Variants in CNTNAP2 observed in about 807,000 individuals in gnomAD.
CNTNAP2 encodes contactin associated protein 2.
In CNTNAP2, 98 loss-of-function variants were observed where a neutral mutation model predicts 155.2. The observed-to-expected ratio is 0.63, with a 90% CI of 0.54 to 0.75. The LOEUF (loss-of-function observed/expected upper bound fraction) is 0.75, where lower values mean the gene tolerates loss of function less well. Ranked by LOEUF, CNTNAP2 falls within the 30% of genes least tolerant of loss-of-function variation. CNTNAP2 has a pLI of 0.00. For synonymous variants in CNTNAP2, 651 were observed against 631.2 expected (o/e 1.03, Z -0.47); for missense variants, 1,727 against 1,688.1 (o/e 1.02, Z -0.40).
chr7:147,034,795 G>T (rs1461535305), intron 3 of CNTNAP2, among the ~76,000 whole-genome samples: 2 of 152,138 alleles, frequency 1.3e-5, no homozygotes. Context: ...AATCCGGTGT[G>T]CTTTTCCACT....
At chr7:147,775,172 A>C (rs1225022263) in intron 13 of CNTNAP2, among the ~76,000 whole-genome samples, 1 of 143,812 alleles carries the variant, frequency 7.0e-6, no homozygotes, top group Non-Finnish European at 1.5e-5. Context: ...TACAGTTTTC[A>C]CTACAGTTTT....
rs1795854364 is a variant in CNTNAP2 at position 148,226,602 on chromosome 7, A to G, written c.3248-3044A>G. Among the ~76,000 whole-genome samples the G allele has an allele frequency of 2.7e-5, 4 of 150,356 alleles. No homozygotes were observed. The South Asian group carries it at 8.5e-4, about 32-fold the overall frequency. On this transcript the variant is annotated intron_variant, in intron 19 of 23. Transcript: ENST00000361727. ...CAAAATGATGGAGTTTAACGGGTATATGACCTTCCTCTAGGAACACTCAAC... is the reference window on the plus strand; with the variant it reads ...CAAAATGATGGAGTTTAACGGGTATGTGACCTTCCTCTAGGAACACTCAAC...
intron 1 of CNTNAP2, among the ~76,000 whole-genome samples, chr7:146,333,942 C>A (rs556701067): frequency 2.6e-5 from 4 of 152,226 alleles, no homozygotes; most frequent in African/African-American, 9.6e-5. Flanking sequence ...AGTCACATGA[C>A]CATACCTATC....
chr7:147,196,712 A>G (rs1802807624), intron 8 of CNTNAP2, among the ~76,000 whole-genome samples: 1 of 152,208 alleles, frequency 6.6e-6, no homozygotes, highest in African/African-American at 2.4e-5. Flanking sequence ...ACCAGAAAAT[A>G]CAACTTCCTC....
At chr7:146,313,631 TGGA>T (rs1400314530) in intron 1 of CNTNAP2, among the ~76,000 whole-genome samples, 1 of 152,192 alleles carries the variant, frequency 6.6e-6, no homozygotes, top group Non-Finnish European at 1.5e-5. Context: ...ACCAAAGCTG[TGGA>T]GATCTTCCCC....
At chr7:147,376,984 A>G (rs948560777) in intron 9 of CNTNAP2, among the ~76,000 whole-genome samples, 2 of 151,798 alleles carry the variant, frequency 1.3e-5, no homozygotes, top group Admixed American at 6.6e-5. Flanking sequence ...AAATTTTCTT[A>G]GTTCCTGTGT....
chr7:146,723,881 G>A (rs965748892), intron 1 of CNTNAP2, among the ~76,000 whole-genome samples: 1 of 152,286 alleles, frequency 6.6e-6, no homozygotes, highest in African/African-American at 2.4e-5. Context: ...AGGTCTTATA[G>A]TAGTGTGCTT....
intron 1 of CNTNAP2, among the ~76,000 whole-genome samples, chr7:146,207,677 A>G (rs1798969485): frequency 6.7e-6 from 1 of 150,352 alleles, no homozygotes; most frequent in African/African-American, 2.4e-5. Flanking sequence ...TCATGAAACA[A>G]ACATTTTTTG....
At chr7:147,685,402 A>T (rs1796003204) in intron 13 of CNTNAP2, among the ~76,000 whole-genome samples, 1 of 152,054 alleles carries the variant, frequency 6.6e-6, no homozygotes, top group Admixed American at 6.6e-5. Flanking sequence ...TTCTCTTGGA[A>T]ATATAACTCA....
At chr7:146,338,664 T>G (rs879668691) in intron 1 of CNTNAP2, among the ~76,000 whole-genome samples, 1 of 152,156 alleles carries the variant, frequency 6.6e-6, no homozygotes, top group Non-Finnish European at 1.5e-5. Context: ...CTACGAAGCC[T>G]TCTTATTCCT....
intron 13 of CNTNAP2, among the ~76,000 whole-genome samples, chr7:147,774,276 G>A (rs1268050933): frequency 6.6e-6 from 1 of 152,042 alleles, no homozygotes; most frequent in Non-Finnish European, 1.5e-5. Context: ...CTGAAACCTA[G>A]GACAGAACTT....
intron 15 of CNTNAP2, among the ~76,000 whole-genome samples, chr7:148,110,531 C>A (rs907801455): frequency 2.0e-5 from 3 of 152,122 alleles, no homozygotes; most frequent in Non-Finnish European, 4.4e-5. Context: ...CTGTTACCTC[C>A]TTCTCTTCAT....
chr7:146,302,146 A>T (rs906779490), intron 1 of CNTNAP2, among the ~76,000 whole-genome samples: 1 of 152,192 alleles, frequency 6.6e-6, no homozygotes, highest in East Asian at 1.9e-4. Context: ...TCTGCAAAGC[A>T]AAAAGAAAGT....
intron 17 of CNTNAP2, among the ~76,000 whole-genome samples, chr7:148,170,876 T>C (rs1805779922): frequency 6.6e-6 from 1 of 152,216 alleles, no homozygotes; most frequent in South Asian, 2.1e-4. Context: ...CCTACTGATC[T>C]TACCTGAATT....
chr7:146,882,600 C>T (rs1007234345), intron 3 of CNTNAP2, among the ~76,000 whole-genome samples: 1 of 152,004 alleles, frequency 6.6e-6, no homozygotes, highest in Non-Finnish European at 1.5e-5. Flanking sequence ...CTGAGGCCTC[C>T]CCAGCCATGC....
At chr7:147,959,158 A>C (rs1801074078) in intron 14 of CNTNAP2, among the ~76,000 whole-genome samples, 1 of 152,192 alleles carries the variant, frequency 6.6e-6, no homozygotes. Flanking sequence ...TAGCAATCTT[A>C]GGAACTTCAG....
rs1327608705 is a variant in CNTNAP2 at position 148,416,398 on chromosome 7, C to T, written c.*782C>T. On this transcript the variant is annotated 3_prime_UTR_variant, in exon 24 of 24. Coordinates refer to ENST00000361727, the MANE Select transcript of CNTNAP2 (RefSeq NM_014141.6). ...GACCAATAGCTGTAACTATCAGCTG[C>T]AATACCATGGTGACCAGCTGTTACA... 6.6e-6 allele frequency: 1 copy of T among 152,164 alleles called. No homozygotes were observed. The highest frequency in any genetic ancestry group is 1.5e-5 in the Non-Finnish European group (1 of 68,030). The allele number at this position is 152,164 out of a possible 1,614,324, so 9.4% of individuals were successfully genotyped here. A position where few individuals can be genotyped will look rare whatever the true frequency, so the allele number is the denominator to read the frequency against.
chr7:148,062,696 G>A (rs190065995), intron 15 of CNTNAP2, among the ~76,000 whole-genome samples: 160 of 152,226 alleles, frequency 1.1e-3, no homozygotes, highest in Non-Finnish European at 2.2e-3. Context: ...TGAGATGCAA[G>A]ACAAAGATAG....
intron 1 of CNTNAP2, among the ~76,000 whole-genome samples, chr7:146,309,809 A>AT (rs1800787288): frequency 6.6e-6 from 1 of 151,516 alleles, no homozygotes; most frequent in Non-Finnish European, 1.5e-5. Flanking sequence ...AAAGAAAACA[A>AT]AAAAAAGAAA....
Sources: gnomAD v4.1 joint callset for allele counts (sites outside exome capture counted in the v4.1 genomes callset) on GRCh38, gnomAD v4.1.1 for gene constraint, MANE v1.5 for transcripts, NCBI Gene and HGNC (gene_info 2026-07-23, HGNC 2026-07-21) for gene names.